VPS41: variants seen among roughly 807,000 people sequenced by gnomAD.
The protein encoded by VPS41 is VPS41 subunit of HOPS complex, also known as vacuolar protein sorting-associated protein 41 homolog.
Under a neutral mutation model 130.9 loss-of-function variants are expected in VPS41, and 85 were observed. The ratio of observed to expected loss-of-function variants is 0.65; its 90% CI spans 0.55 to 0.78. The LOEUF is 0.78. Ranked by LOEUF, VPS41 falls within the 30% of genes least tolerant of loss-of-function variation. The pLI is 0.00. For synonymous variants in VPS41, 335 were observed against 332.9 expected, an observed-to-expected ratio of 1.01 and a Z score of -0.07; for missense variants, 874 against 1,018.7, an observed-to-expected ratio of 0.86 and a Z score of 1.93.
rs556282882 is a variant in VPS41, at chr7:38,836,022, A to G, written c.247-5694T>C. ...GCTTTTTACTGTGTATTTTGCTCAC[A>G]TTTTTATTTTTCACTTTCTCATTTT... On this transcript the variant is annotated intron_variant, in intron 4 of 28. Coordinates refer to ENST00000310301, the MANE Select transcript of VPS41 (RefSeq NM_014396.4). Among the ~76,000 whole-genome samples the G allele has an allele frequency of 3.3e-5, 5 of 151,902 alleles. No individual in the cohort carries two copies. In the South Asian group the frequency reaches 1.0e-3, roughly 31 times the overall value.
chr7:38,754,352 C>T (rs1271345208), intron 21 of VPS41, among the ~76,000 whole-genome samples: 1 of 152,096 alleles, frequency 6.6e-6, no homozygotes, highest in Non-Finnish European at 1.5e-5. Flanking sequence ...AGGGAGAGTG[C>T]TTATTCCTAG....
chr7:38,892,077 T>C (rs1786878872), intron 2 of VPS41, among the ~76,000 whole-genome samples: 1 of 152,090 alleles, frequency 6.6e-6, no homozygotes, highest in Non-Finnish European at 1.5e-5. Context: ...CTGAAACTGG[T>C]ATATTTTCCT....
intron 2 of VPS41, among the ~76,000 whole-genome samples, chr7:38,890,982 G>A (rs181691977): frequency 1.3e-4 from 19 of 150,736 alleles, no homozygotes; most frequent in South Asian, 4.2e-4. Flanking sequence ...GTGAATATAC[G>A]GTTATTTCAA....
intron 15 of VPS41, among the ~76,000 whole-genome samples, chr7:38,766,666 G>T (rs74904951): frequency 0.022 from 3,411 of 152,288 alleles, 51 homozygotes; most frequent in African/African-American, 0.046. Flanking sequence ...ACCAGATGGA[G>T]ATACCTGAAT....
At chr7:38,763,606 C>G in intron 16 of VPS41, 59 bp from the exon 17 acceptor site, 2 of 1,014,510 alleles carry the variant, frequency 2.0e-6, no homozygotes, top group Non-Finnish European at 3.0e-6. Flanking sequence ...AAACTGCATT[C>G]CAATTATGCA....
At chr7:38,817,174 C>T (rs975180597) in intron 7 of VPS41, among the ~76,000 whole-genome samples, 5 of 151,262 alleles carry the variant, frequency 3.3e-5, no homozygotes, top group Admixed American at 1.3e-4. Flanking sequence ...AAAAAAAAAT[C>T]GGAAAAAAAA....
chr7:38,821,711 AAAAAAAAAAAGAAAAAG>A (rs1785175764), intron 5 of VPS41, among the ~76,000 whole-genome samples: 1 of 151,202 alleles, frequency 6.6e-6, no homozygotes, highest in African/African-American at 2.4e-5. Context: ...CGTCTCAAAA[AAAAAAAAAAAGAAAAAG>A]AAAAAGAAAA....
chr7:38,877,066 G>T (rs557459266), intron 2 of VPS41, among the ~76,000 whole-genome samples: 2 of 152,200 alleles, frequency 1.3e-5, no homozygotes, highest in South Asian at 4.2e-4. Context: ...TTCCTCTCTT[G>T]CCAATATCCC....
intron 4 of VPS41, among the ~76,000 whole-genome samples, chr7:38,858,243 T>C (rs1369437065): frequency 6.6e-6 from 1 of 152,158 alleles, no homozygotes; most frequent in African/African-American, 2.4e-5. Flanking sequence ...AAGAAATATA[T>C]ATTAGGGCAA....
At position 38,894,931 on chromosome 7, in the gene VPS41, T is replaced by C. The variant is rs1786949069; in HGVS notation, c.60+3160A>G. On this transcript the variant is annotated intron_variant, in intron 2 of 28. Transcript: ENST00000310301. ...CCTCAATCTTAAAATAACTACCTTT[T>C]CCTTCCATTTATCTCCTCAGTTTGG... Among the ~76,000 whole-genome samples the C allele has an allele frequency of 2.0e-5, 3 of 152,356 alleles. No individual in the cohort carries two copies. The East Asian group carries it at 5.8e-4, about 29-fold the overall frequency.
intron 9 of VPS41, among the ~76,000 whole-genome samples, chr7:38,790,459 C>G (rs939990198): frequency 7.2e-5 from 11 of 151,842 alleles, no homozygotes; most frequent in East Asian, 1.9e-4. Flanking sequence ...ATGAATTCTA[C>G]ATTCATGGAT....
intron 1 of VPS41, among the ~76,000 whole-genome samples, chr7:38,903,064 G>A (rs1042673244): frequency 2.0e-5 from 3 of 152,122 alleles, no homozygotes; most frequent in Admixed American, 1.3e-4. Context: ...TTTCCCTTAT[G>A]AGCAATACCA....
chr7:38,784,502 G>C (rs1784403409), intron 10 of VPS41, among the ~76,000 whole-genome samples: 1 of 152,170 alleles, frequency 6.6e-6, no homozygotes. Context: ...AGGCATGGTG[G>C]TGCACGCCTG....
intron 17 of VPS41, among the ~76,000 whole-genome samples, chr7:38,760,253 T>G (rs1783884019): frequency 6.6e-6 from 1 of 152,182 alleles, no homozygotes; most frequent in Admixed American, 6.5e-5. Context: ...TAAAGAGAAT[T>G]AAAAACATCC....
chr7:38,900,212 G>T (rs1427210437), intron 1 of VPS41, among the ~76,000 whole-genome samples: 1 of 152,204 alleles, frequency 6.6e-6, no homozygotes, highest in East Asian at 1.9e-4. Flanking sequence ...AGCTGTGATT[G>T]CGTCACTGCG....
chr7:38,905,561 A>G (rs920576414), intron 1 of VPS41, among the ~76,000 whole-genome samples: 2 of 152,236 alleles, frequency 1.3e-5, no homozygotes, highest in African/African-American at 4.8e-5. Context: ...TTATACCACA[A>G]TAACTCAGTG....
At chr7:38,727,887 C>G (rs1020947819) in intron 27 of VPS41, among the ~76,000 whole-genome samples, 1 of 152,260 alleles carries the variant, frequency 6.6e-6, no homozygotes, top group African/African-American at 2.4e-5. Context: ...TAAGAAGGTG[C>G]TTTTCATTAC....
At chr7:38,829,740 T>C (rs1460528969) in intron 5 of VPS41, among the ~76,000 whole-genome samples, 1 of 152,240 alleles carries the variant, frequency 6.6e-6, no homozygotes, top group African/African-American at 2.4e-5. Context: ...ACTGTACATA[T>C]ATTGATTTTA....
At chr7:38,805,015 A>G (rs1784811677) in intron 7 of VPS41, among the ~76,000 whole-genome samples, 1 of 152,234 alleles carries the variant, frequency 6.6e-6, no homozygotes, top group African/African-American at 2.4e-5. Context: ...CAGGGTAGAG[A>G]TAACAGAAAA....
Sources: allele counts gnomAD v4.1 joint callset (sites outside exome capture counted in the v4.1 genomes callset), GRCh38; gene constraint gnomAD v4.1.1; transcripts MANE v1.5; gene names NCBI Gene and HGNC (gene_info 2026-07-23, HGNC 2026-07-21).